Variants in CMTM7 observed in about 807,000 individuals in gnomAD.
CMTM7 encodes CKLF like MARVEL transmembrane domain containing 7.
CMTM7 carries 7 observed loss-of-function variants against 19.3 expected under a neutral mutation model. That is an observed-to-expected ratio of 0.36 (90% CI 0.21 to 0.68). CMTM7 has a LOEUF of 0.68. Ranked by LOEUF, CMTM7 falls within the 30% of genes least tolerant of loss-of-function variation. CMTM7 has a pLI of 0.60. For missense variants in CMTM7, 193 were observed against 232.6 expected, an observed-to-expected ratio of 0.83 and a Z score of 1.11; for synonymous variants, 87 against 99.3, an observed-to-expected ratio of 0.88 and a Z score of 0.74.
At position 32,429,593 on chromosome 3, in the gene CMTM7, AG is replaced by A. The variant is rs765284348; in HGVS notation, c.160-12246del. ...GGCGTGAGCCATCACGGCTGGCTGG[AG>A]CAGTGTATTTTTTTTTTTTTTTTTG... On this transcript the variant is annotated intron_variant, in intron 1 of 4. Transcript: ENST00000334983. Among the ~76,000 whole-genome samples the A allele has an allele frequency of 4.9e-3, 710 of 146,136 alleles. 9 individuals are homozygous for A. Among genetic ancestry groups the A allele is most frequent in the Non-Finnish European group, 6.8e-3 (452 of 66,864 alleles).
In CMTM7 at chr3:32,454,384, C is replaced by A; in HGVS notation, c.*130C>A. ...TGGTGGGCACCAGGAAAGGCCTGCA[C>A]CCTCTTCCTGCTCTCCCAGGAAGCC... On this transcript the variant is annotated 3_prime_UTR_variant, in exon 5 of 5. Transcript: ENST00000334983. The A allele has an allele frequency of 9.0e-7, 1 of 1,107,558 alleles. No individual in the cohort carries two copies. Among genetic ancestry groups the A allele is most frequent in the Non-Finnish European group, 1.4e-6 (1 of 737,836 alleles). The allele number at this position is 1,107,558 out of a possible 1,614,324, so 68.6% of individuals were successfully genotyped here.
At chr3:32,400,685 C>T (rs1695989794) in intron 1 of CMTM7, among the ~76,000 whole-genome samples, 1 of 152,176 alleles carries the variant, frequency 6.6e-6, no homozygotes, top group South Asian at 2.1e-4. Flanking sequence ...CCCACCATGC[C>T]TGGCTGTAAA....
chr3:32,431,423 C>T (rs899719430), intron 1 of CMTM7, among the ~76,000 whole-genome samples: 26 of 150,806 alleles, frequency 1.7e-4, no homozygotes, highest in African/African-American at 6.3e-4. Context: ...TTTTTTTAAG[C>T]AAGAGACTTG....
At chr3:32,437,838 C>T (rs1249376793) in intron 1 of CMTM7, among the ~76,000 whole-genome samples, 1 of 151,876 alleles carries the variant, frequency 6.6e-6, no homozygotes, top group Non-Finnish European at 1.5e-5. Context: ...TTGCAGTGAG[C>T]TGAGATGTTG....
At chr3:32,410,351 A>T (rs1439150908) in intron 1 of CMTM7, among the ~76,000 whole-genome samples, 1 of 152,184 alleles carries the variant, frequency 6.6e-6, no homozygotes, top group Non-Finnish European at 1.5e-5. Flanking sequence ...CACAGGAAAT[A>T]CTCATCATCT....
At chr3:32,429,960 G>A (rs1575119650) in intron 1 of CMTM7, among the ~76,000 whole-genome samples, 1 of 152,254 alleles carries the variant, frequency 6.6e-6, no homozygotes, top group Middle Eastern at 3.4e-3. Context: ...AAAGTAGAGA[G>A]AATAGCACAG....
intron 1 of CMTM7, among the ~76,000 whole-genome samples, chr3:32,430,091 T>C (rs777373319): frequency 6.6e-6 from 1 of 152,288 alleles, no homozygotes; most frequent in South Asian, 2.1e-4. Flanking sequence ...CAACTTAATA[T>C]CAAAAGAGTC....
intron 1 of CMTM7, among the ~76,000 whole-genome samples, chr3:32,412,631 A>T (rs1696195671): frequency 6.6e-6 from 1 of 150,918 alleles, no homozygotes; most frequent in Non-Finnish European, 1.5e-5. Context: ...AGTTTTTGAG[A>T]TGTTTGTTAC....
rs546173159 is a variant in CMTM7, at chr3:32,391,875, C to G, written c.-32C>G. The G allele has an allele frequency of 8.3e-7, 1 of 1,204,018 alleles. No homozygotes were observed. The highest frequency in any genetic ancestry group is 1.0e-6 in the Non-Finnish European group (1 of 969,604). The allele number at this position is 1,204,018 out of a possible 1,614,324, so 74.6% of individuals were successfully genotyped here. A position where few individuals can be genotyped will look rare whatever the true frequency, so the allele number is the denominator to read the frequency against. On this transcript the variant is annotated 5_prime_UTR_variant, in exon 1 of 5. Coordinates refer to ENST00000334983, the MANE Select transcript of CMTM7 (RefSeq NM_138410.4). Reference sequence around the variant, plus strand: ...TGTATCTGGCCCCTGGGCAGCTGCCCGGGGAGGCGGCCAGCGAGCTGGGGC... The same window carrying G: ...TGTATCTGGCCCCTGGGCAGCTGCCGGGGGAGGCGGCCAGCGAGCTGGGGC...
intron 1 of CMTM7, among the ~76,000 whole-genome samples, chr3:32,409,527 T>A (rs1224291559): frequency 6.6e-6 from 1 of 152,212 alleles, no homozygotes; most frequent in Non-Finnish European, 1.5e-5. Context: ...GACCCACTAA[T>A]GTCCTTGGGT....
intron 1 of CMTM7, among the ~76,000 whole-genome samples, chr3:32,435,550 T>C (rs1178786001): frequency 2.0e-5 from 3 of 152,242 alleles, no homozygotes; most frequent in African/African-American, 7.2e-5. Context: ...AGAGGCAATT[T>C]TGCCCCCCAG....
In CMTM7 at chr3:32,441,950, C is replaced by T. The variant is rs1436899317; in HGVS notation, c.270C>T (p.Ala90=). 1 of 1,614,188 alleles carries T rather than the reference C, an allele frequency of 6.2e-7. No individual in the cohort carries two copies. The highest frequency in any genetic ancestry group is 8.5e-7 in the Non-Finnish European group (1 of 1,180,044). The change falls in exon 2 of 5, where the codon GCC becomes GCT. Residue 90 remains alanine (A), a synonymous_variant. Transcript: ENST00000334983. The part of the protein sequence containing the change: ...VTICDLIMIL[A]FYLVHLFRFY... ...TTTGCGACTTGATAATGATCCTCGC[C>T]TTTTACCTGGTCCACCTCTTCCGCT...
At chr3:32,428,922 T>A (rs1164198817) in intron 1 of CMTM7, among the ~76,000 whole-genome samples, 1 of 152,214 alleles carries the variant, frequency 6.6e-6, no homozygotes, top group African/African-American at 2.4e-5. Flanking sequence ...CAGGGTTTGC[T>A]TGACTGCACC....
intron 1 of CMTM7, among the ~76,000 whole-genome samples, chr3:32,403,866 A>G (rs887271384): frequency 3.9e-5 from 6 of 152,200 alleles, no homozygotes; most frequent in African/African-American, 1.4e-4. Context: ...GCTATGAGAC[A>G]TAACAGCAGG....
At chr3:32,428,152 G>A (rs1696460889) in intron 1 of CMTM7, among the ~76,000 whole-genome samples, 1 of 152,184 alleles carries the variant, frequency 6.6e-6, no homozygotes, top group African/African-American at 2.4e-5. Context: ...AGGAGAGAAG[G>A]ATGCCCGCTT....
At position 32,449,397 on chromosome 3, in the gene CMTM7, T is replaced by C; in HGVS notation, c.334-57T>C. The C allele has an allele frequency of 8.3e-7, 1 of 1,202,830 alleles. No individual in the cohort carries two copies. Among genetic ancestry groups the C allele is most frequent in the South Asian group, 1.2e-5 (1 of 82,822 alleles). The allele number at this position is 1,202,830 out of a possible 1,614,324, so 74.5% of individuals were successfully genotyped here. A position where few individuals can be genotyped will look rare whatever the true frequency, so the allele number is the denominator to read the frequency against. Reference sequence around the variant, plus strand: ...CATGTCTTCTGATGCCCAGTTGCTCTTCCCGGACCAGAAATGGACGGCCCT... The same window carrying C: ...CATGTCTTCTGATGCCCAGTTGCTCCTCCCGGACCAGAAATGGACGGCCCT... On this transcript the variant is annotated intron_variant, in intron 2 of 4. Coordinates refer to ENST00000334983, the MANE Select transcript of CMTM7 (RefSeq NM_138410.4). This position sits in a 1 kb window ranked among gnomAD's most constrained non-coding sequence, Gnocchi z 4.5.
chr3:32,453,343 C>T (rs1696864922), intron 4 of CMTM7, among the ~76,000 whole-genome samples: 1 of 152,064 alleles, frequency 6.6e-6, no homozygotes, highest in Non-Finnish European at 1.5e-5. Context: ...ACTGAGTATC[C>T]TTTCGATATT....
At chr3:32,445,455 A>G (rs1696740016) in intron 2 of CMTM7, among the ~76,000 whole-genome samples, 1 of 152,138 alleles carries the variant, frequency 6.6e-6, no homozygotes. Flanking sequence ...TTCCGTATCT[A>G]CTGAGGTGAT....
In CMTM7 at chr3:32,400,482, T is replaced by C. The variant is rs1695986625; in HGVS notation, c.159+8417T>C. On this transcript the variant is annotated intron_variant, in intron 1 of 4. Coordinates refer to ENST00000334983, the MANE Select transcript of CMTM7 (RefSeq NM_138410.4). ...GCGCGGGCTCACTGCAACCTCCACC[T>C]CCCGGGTTCAAGTGATTCCCCTGCC... is the stretch of plus-strand genomic sequence containing the variant. 2.3e-5 allele frequency among the ~76,000 whole-genome samples: 3 copies of C among 130,698 alleles called. 1 individual carries two copies. Among genetic ancestry groups the C allele is most frequent in the African/African-American group, 8.8e-5 (3 of 34,026 alleles). The allele number at this position is 130,698 out of a possible 152,430, so 85.7% of individuals were successfully genotyped here. A position where few individuals can be genotyped will look rare whatever the true frequency, so the allele number is the denominator to read the frequency against.
Sources: allele counts gnomAD v4.1 joint callset (sites outside exome capture counted in the v4.1 genomes callset), GRCh38; gene constraint gnomAD v4.1.1; non-coding constraint Gnocchi (gnomAD v3.1); transcripts MANE v1.5; gene names NCBI Gene and HGNC (gene_info 2026-07-23, HGNC 2026-07-21).